Variants in RMDN3 observed in about 807,000 individuals in gnomAD.
The protein encoded by RMDN3 is regulator of microtubule dynamics 3, also known as regulator of microtubule dynamics protein 3.
A neutral mutation model predicts 61.8 loss-of-function variants in RMDN3; 41 were observed. That is an observed-to-expected ratio of 0.66 (90% confidence interval 0.52 to 0.86). The LOEUF is 0.86. RMDN3 is among the 40% of genes least tolerant of loss of function. RMDN3 has a pLI of 0.00. For missense variants in RMDN3, 557 were observed against 585.3 expected, an observed-to-expected ratio of 0.95 and a Z score of 0.50; for synonymous variants, 247 against 232.0, an observed-to-expected ratio of 1.06 and a Z score of -0.59.
At chr15:40,742,015 G>A (rs1897303549) in intron 6 of RMDN3, among the ~76,000 whole-genome samples, 1 of 151,562 alleles carries the variant, frequency 6.6e-6, no homozygotes, top group African/African-American at 2.4e-5. Context: ...TGGCTAATCT[G>A]AAATGTTTTC....
At chr15:40,743,823 T>G (rs1019333567) in intron 6 of RMDN3, among the ~76,000 whole-genome samples, 3 of 152,204 alleles carry the variant, frequency 2.0e-5, no homozygotes, top group Admixed American at 6.5e-5. Flanking sequence ...TAGAAACACA[T>G]GCACGTGTGT....
At chr15:40,740,219 T>C (rs1487114637) in intron 6 of RMDN3, 26 bp from the exon 7 acceptor site, 1 of 1,525,518 alleles carries the variant, frequency 6.6e-7, no homozygotes, top group African/African-American at 1.4e-5. Context: ...AGATCCAGAG[T>C]TGACATAGCT....
rs1297989876 is a variant in RMDN3, at chr15:40,745,159, T to G, written c.625A>C (p.Arg209=). Residue 209 remains arginine, a synonymous_variant, in exon 5 of 13, where the codon AGA becomes CGA. Transcript: ENST00000338376. ...TCCTCCAAGTCAAGAGAATCCTTTC[T>G]CCCCATCTTCACAGTCTCACAGCTC... is the stretch of plus-strand genomic sequence containing the variant. ...EVSCETVKMG[R]KDSLDLEEEA... is the part of the protein sequence containing the mutation. 1.2e-6 allele frequency: 2 copies of G among 1,614,098 alleles called. No homozygotes were observed. Among genetic ancestry groups the G allele is most frequent in the Middle Eastern group, 1.6e-4 (1 of 6,062 alleles).
At chr15:40,749,342 C>A (rs908386045) in intron 4 of RMDN3, among the ~76,000 whole-genome samples, 2 of 152,062 alleles carry the variant, frequency 1.3e-5, no homozygotes, top group African/African-American at 4.8e-5. Context: ...AGTGAGACCC[C>A]ATCTGTACAA....
intron 6 of RMDN3, among the ~76,000 whole-genome samples, chr15:40,740,519 G>A (rs552553062): frequency 7.2e-5 from 11 of 152,268 alleles, no homozygotes; most frequent in South Asian, 2.1e-4. Context: ...GGTGGCAGGC[G>A]CCTGTAGTCC....
chr15:40,737,289 T>C lies in RMDN3; in HGVS notation c.1277A>G (p.Lys426Arg), dbSNP rs777024767. 6.2e-7 allele frequency: 1 copy of C among 1,613,830 alleles called. No individual in the cohort carries two copies. Among genetic ancestry groups the C allele is most frequent in the Non-Finnish European group, 8.5e-7 (1 of 1,179,830 alleles). The change falls in exon 11 of 13, where the codon AAG becomes AGG. Residue 426 changes from lysine (K) to arginine (R), a missense_variant and splice_region_variant. Physicochemically the swap from Lys to Arg is conservative, Grantham distance 26. Coordinates refer to ENST00000338376, the MANE Select transcript of RMDN3 (RefSeq NM_018145.3). Reference sequence around the variant, plus strand: ...GTTGAAGTAGACAAATGAGTTTACCTTGGAAATATATACCCTTCCTGCTTT... The same window carrying C: ...GTTGAAGTAGACAAATGAGTTTACCCTGGAAATATATACCCTTCCTGCTTT... ...FSKAGRVYIS[K>R]CYRELGKNSE... is the part of the protein sequence containing the mutation.
chr15:40,744,861 G>A (rs761131114), intron 5 of RMDN3, 116 bp downstream of exon 5: 22 of 1,140,346 alleles, frequency 1.9e-5, no homozygotes, highest in Admixed American at 5.8e-5. Context: ...ACCATTTCTC[G>A]TCCCATGTCA....
intron 6 of RMDN3, among the ~76,000 whole-genome samples, chr15:40,742,484 G>A (rs927116172): frequency 6.6e-6 from 1 of 152,180 alleles, no homozygotes; most frequent in African/African-American, 2.4e-5. Context: ...ACTAGTTCCT[G>A]CCAAGCTAGA....
chr15:40,752,192 C>A lies in RMDN3; in HGVS notation c.188-14G>T. ...GCAGGAGCATCACTGAAGGGGGAAA[C>A]GAATGGGAGCCAGTGACACACAGGA... On this transcript the variant is annotated splice_polypyrimidine_tract_variant and intron_variant, in intron 2 of 12. Coordinates refer to ENST00000338376, the MANE Select transcript of RMDN3 (RefSeq NM_018145.3). The A allele has an allele frequency of 6.2e-7, 1 of 1,607,190 alleles. No homozygotes were observed. The highest frequency in any genetic ancestry group is 8.5e-7 in the Non-Finnish European group (1 of 1,175,742).
chr15:40,737,332 G>C lies in RMDN3; in HGVS notation c.1234C>G (p.Leu412Val), dbSNP rs772056920. 1.9e-6 allele frequency: 3 copies of C among 1,613,864 alleles called. No individual in the cohort carries two copies. Among genetic ancestry groups the C allele is most frequent in the Non-Finnish European group, 2.5e-6 (3 of 1,179,746 alleles). The change falls in exon 11 of 13, where the codon CTA (leucine) becomes GTA (valine). Residue 412 changes from leucine (L) to valine (V), a missense_variant. Leu to Val is a conservative substitution (Grantham distance 32, BLOSUM62 1). Coordinates refer to ENST00000338376, the MANE Select transcript of RMDN3 (RefSeq NM_018145.3). ...ALQSFLKAEE[L>V]QPGFSKAGRV... is the part of the protein sequence containing the mutation. ...CCTGCTTTGGAAAATCCTGGCTGTA[G>C]TTCTTCAGCCTGGGAAAAGGGACAA...
intron 6 of RMDN3, among the ~76,000 whole-genome samples, chr15:40,741,954 G>A (rs1897302243): frequency 6.6e-6 from 1 of 151,706 alleles, no homozygotes. Context: ...AACAAGTTTG[G>A]AAGGGAACAT....
chr15:40,749,331 CAGTG>C (rs1897712620), intron 4 of RMDN3, among the ~76,000 whole-genome samples: 2 of 152,272 alleles, frequency 1.3e-5, no homozygotes, highest in South Asian at 2.1e-4. Context: ...CTGGGCAACA[CAGTG>C]AGACCCCATC....
intron 2 of RMDN3, among the ~76,000 whole-genome samples, chr15:40,754,334 T>C (rs559962590): frequency 2.6e-5 from 4 of 152,172 alleles, no homozygotes; most frequent in Non-Finnish European, 5.9e-5. Flanking sequence ...TTCACCATGT[T>C]GACATCTGGT....
At chr15:40,743,161 C>T (rs1321690633) in intron 6 of RMDN3, among the ~76,000 whole-genome samples, 1 of 152,166 alleles carries the variant, frequency 6.6e-6, no homozygotes, top group African/African-American at 2.4e-5. Context: ...TGGTTTATGC[C>T]TGTTATCCCA....
intron 4 of RMDN3, among the ~76,000 whole-genome samples, chr15:40,750,561 CT>C (rs1897778812): frequency 6.6e-6 from 1 of 151,972 alleles, no homozygotes; most frequent in African/African-American, 2.4e-5. Context: ...AGCAATCCTC[CT>C]GTCTCGGCCT....
chr15:40,736,652 C>G (rs373551332), intron 12 of RMDN3, 58 bp from the exon 13 acceptor site: 1 of 1,499,376 alleles, frequency 6.7e-7, no homozygotes, highest in African/African-American at 1.4e-5. Flanking sequence ...TTTCCCAAAC[C>G]AGTGGAACCT....
At position 40,752,027 on chromosome 15, in the gene RMDN3, GCT is replaced by G; in HGVS notation, c.337_338del (p.Ser113GlnfsTer37). ...TCTCCCCCGCAAGCCCTCGCAGGCT[GCT>G]TCTCAGCTCCTCCACCTCCCGCCGC... Reference protein sequence around the residue: ...ALRREVEELRSSLRGLAGEIV... With the variant: ...ALRREVEELRXSLRGLAGEIV... On this transcript the variant is annotated frameshift_variant, in exon 3 of 13. Transcript: ENST00000338376. LOFTEE classifies it high-confidence loss of function. 1 of 1,614,194 alleles carries G rather than the reference GCT, an allele frequency of 6.2e-7. No individual in the cohort carries two copies. The highest frequency in any genetic ancestry group is 8.5e-7 in the Non-Finnish European group (1 of 1,180,014).
In RMDN3 at chr15:40,736,512, A is replaced by T; in HGVS notation, c.*29T>A. The T allele has an allele frequency of 1.2e-6, 2 of 1,609,182 alleles. No homozygotes were observed. The highest frequency in any genetic ancestry group is 1.7e-6 in the Non-Finnish European group (2 of 1,175,654). On this transcript the variant is annotated 3_prime_UTR_variant, in exon 13 of 13. Coordinates refer to ENST00000338376, the MANE Select transcript of RMDN3 (RefSeq NM_018145.3). ...CCGCCCCCCCACCTTAAATAGTGGCATCAAGTCATGAAGGCCAGTGAAACG... is the reference window on the plus strand; with the variant it reads ...CCGCCCCCCCACCTTAAATAGTGGCTTCAAGTCATGAAGGCCAGTGAAACG...
chr15:40,738,374 T>G (rs1897147212), intron 8 of RMDN3, 127 bp downstream of exon 8: 2 of 843,414 alleles, frequency 2.4e-6, no homozygotes, highest in South Asian at 3.2e-5. Context: ...AGAGTGAGAC[T>G]CTGTCTCAAA....
Sources: allele counts gnomAD v4.1 joint callset (sites outside exome capture counted in the v4.1 genomes callset), GRCh38; gene constraint gnomAD v4.1.1; transcripts MANE v1.5; gene names NCBI Gene and HGNC (gene_info 2026-07-23, HGNC 2026-07-21).